The following RASGRP3 variants were observed in gnomAD, a reference collection of about 807,000 sequenced individuals.
RASGRP3 encodes ras guanyl-releasing protein 3.
Under a neutral mutation model 82.7 loss-of-function variants are expected in RASGRP3, and 54 were observed. That is an observed-to-expected ratio of 0.65 (90% confidence interval 0.52 to 0.82). The LOEUF (loss-of-function observed/expected upper bound fraction) is 0.82. Ranked by LOEUF, RASGRP3 falls within the 40% of genes least tolerant of loss-of-function variation. The pLI is 0.00. For missense variants in RASGRP3, 861 were observed against 828.9 expected, an observed-to-expected ratio of 1.04 and a Z score of -0.48; for synonymous variants, 309 against 300.5, an observed-to-expected ratio of 1.03 and a Z score of -0.29.
intron 1 of RASGRP3, among the ~76,000 whole-genome samples, chr2:33,493,347 C>T (rs751374491): frequency 5.3e-5 from 8 of 152,282 alleles, no homozygotes; most frequent in Non-Finnish European, 1.2e-4. Flanking sequence ...GTGCGGTATG[C>T]AGACTAGCTG....
rs775129279 is a variant in RASGRP3, at chr2:33,520,682, C to CATGTAAG, written c.368_368+6dup. The CATGTAAG allele has an allele frequency of 6.2e-7, 1 of 1,613,856 alleles. No homozygotes were observed. Among genetic ancestry groups the CATGTAAG allele is most frequent in the Admixed American group, 1.7e-5 (1 of 60,014 alleles). ...ACGTCAGCCTCATCGACATATCCAG[C>CATGTAAG]ATGTAAGAGTGGCACCGACGTCTTT... On this transcript the variant is annotated stop_gained and frameshift_variant and splice_region_variant, in exon 6 of 18. Transcript: ENST00000403687. LOFTEE classifies it high-confidence loss of function.
intron 1 of RASGRP3, among the ~76,000 whole-genome samples, chr2:33,479,315 G>A (rs937520057): frequency 1.3e-5 from 2 of 152,100 alleles, no homozygotes; most frequent in African/African-American, 2.4e-5. Flanking sequence ...AACAGCAACC[G>A]GGAACTTTGT....
chr2:33,475,334 A>G (rs1022035363), upstream of RASGRP3, among the ~76,000 whole-genome samples: 1 of 152,212 alleles, frequency 6.6e-6, no homozygotes, highest in East Asian at 1.9e-4. Context: ...CTCTTATTCT[A>G]GAAAACACTG....
chr2:33,473,953 G>A (rs1179354494), upstream of RASGRP3, among the ~76,000 whole-genome samples: 1 of 152,128 alleles, frequency 6.6e-6, no homozygotes, highest in East Asian at 1.9e-4. Flanking sequence ...CTCTCATAAG[G>A]AGCATGCAGT....
Position 33,539,364 on chromosome 2 carries a change from G to C in RASGRP3, c.1278+154G>C, listed in dbSNP as rs987285027. On this transcript the variant is annotated intron_variant, in intron 12 of 17. Transcript: ENST00000403687. Reference sequence around the variant, plus strand: ...CAGGCACTTAGTCCTACCAGGCATTGGGTCCTGGGGAGAGTCGATCAGAAA... The same window carrying C: ...CAGGCACTTAGTCCTACCAGGCATTCGGTCCTGGGGAGAGTCGATCAGAAA... The C allele has an allele frequency of 4.1e-5, 25 of 607,398 alleles. 1 individual carries two copies. The highest frequency in any genetic ancestry group is 3.0e-6 in the Non-Finnish European group (1 of 337,966). The allele number at this position is 607,398 out of a possible 1,614,324, so 37.6% of individuals were successfully genotyped here.
At chr2:33,470,370 ATAAC>A (rs1415373278) in intron 2 of RASGRP3, among the ~76,000 whole-genome samples, 2 of 136,290 alleles carry the variant, frequency 1.5e-5, no homozygotes, top group Non-Finnish European at 3.1e-5. Flanking sequence ...AAATAATACT[ATAAC>A]TAAGAATTTT....
chr2:33,548,403 A>G (rs1427105235), intron 13 of RASGRP3, among the ~76,000 whole-genome samples: 1 of 149,834 alleles, frequency 6.7e-6, no homozygotes, highest in Non-Finnish European at 1.5e-5. Context: ...AAGAAAAGAC[A>G]TCTGTTGGAG....
Position 33,563,035 on chromosome 2 carries a change from T to C in RASGRP3, c.*298T>C. 1 of 395,562 alleles carries C rather than the reference T, an allele frequency of 2.5e-6. No individual in the cohort carries two copies. Among genetic ancestry groups the C allele is most frequent in the Non-Finnish European group, 4.5e-6 (1 of 223,828 alleles). The allele number at this position is 395,562 out of a possible 1,614,324, so 24.5% of individuals were successfully genotyped here. On this transcript the variant is annotated 3_prime_UTR_variant, in exon 18 of 18. Coordinates refer to ENST00000403687, the MANE Select transcript of RASGRP3 (RefSeq NM_001139488.2). ...TTTCTCTAGACCATTTATATACGGG[T>C]GAAATGAAAGCTTTTTTGCATGTAC...
At chr2:33,450,514 T>C (rs1396383734) in intron 2 of RASGRP3, among the ~76,000 whole-genome samples, 1 of 152,210 alleles carries the variant, frequency 6.6e-6, no homozygotes, top group East Asian at 1.9e-4. Context: ...CTTAGCATAA[T>C]AGTCTCCAGG....
In RASGRP3 at chr2:33,539,151, G is replaced by A. The variant is rs1310010313; in HGVS notation, c.1219G>A (p.Gly407Arg). The A allele has an allele frequency of 6.2e-7, 1 of 1,612,026 alleles. No individual in the cohort carries two copies. ...TGTGGTACCCCTGGAGTGGGCATTAGGGGTGATGCCAAAGCCAGACCCCAC... is the reference window on the plus strand; with the variant it reads ...TGTGGTACCCCTGGAGTGGGCATTAAGGGTGATGCCAAAGCCAGACCCCAC... ...KPVVPLEWAL[G>R]VMPKPDPTVI... Residue 407 changes from glycine (G) to arginine (R), a missense_variant, in exon 12 of 18, where the codon GGG (glycine) becomes AGG (arginine). By Grantham distance (125) the Gly-to-Arg change is moderately radical. Transcript: ENST00000403687.
intron 14 of RASGRP3, among the ~76,000 whole-genome samples, chr2:33,554,542 A>G (rs12476533): frequency 0.12 from 18,897 of 151,594 alleles, 1,276 homozygotes; most frequent in African/African-American, 0.17. Context: ...GTGCGGTCTC[A>G]GCTCACTGCA....
intron 1 of RASGRP3, among the ~76,000 whole-genome samples, chr2:33,441,141 C>T (rs1404245042): frequency 2.6e-5 from 4 of 152,194 alleles, no homozygotes; most frequent in African/African-American, 9.7e-5. Flanking sequence ...ATCCTCCTGC[C>T]TCGGCCTCCT....
chr2:33,452,473 A>G (rs1432488306), intron 2 of RASGRP3, among the ~76,000 whole-genome samples: 1 of 152,222 alleles, frequency 6.6e-6, no homozygotes, highest in Non-Finnish European at 1.5e-5. Flanking sequence ...TGCCTGAGTC[A>G]GCAGGCAGGA....
chr2:33,508,409 C>T (rs981628832), intron 1 of RASGRP3, among the ~76,000 whole-genome samples: 8 of 152,118 alleles, frequency 5.3e-5, no homozygotes, highest in South Asian at 2.1e-4. Context: ...ATTCACGTAA[C>T]GTGGTCCCTG....
At chr2:33,548,932 G>C (rs574852293) in intron 13 of RASGRP3, among the ~76,000 whole-genome samples, 2 of 152,052 alleles carry the variant, frequency 1.3e-5, no homozygotes, top group Non-Finnish European at 2.9e-5. Flanking sequence ...CAAGTGATCC[G>C]CCCACCTTGG....
intron 2 of RASGRP3, among the ~76,000 whole-genome samples, chr2:33,457,782 G>A (rs766480620): frequency 2.0e-4 from 31 of 151,944 alleles, no homozygotes; most frequent in Non-Finnish European, 4.4e-4. Context: ...TCCTGTTCCT[G>A]GTGGGCAGTG....
intron 2 of RASGRP3, among the ~76,000 whole-genome samples, chr2:33,463,303 ACACTGC>A (rs1666483453): frequency 6.6e-6 from 1 of 152,260 alleles, no homozygotes; most frequent in Admixed American, 6.5e-5. Flanking sequence ...TAAGAGAGAA[ACACTGC>A]CATAAAGGTA....
chr2:33,453,014 C>T (rs909192581), intron 2 of RASGRP3, among the ~76,000 whole-genome samples: 2 of 152,162 alleles, frequency 1.3e-5, no homozygotes, highest in Non-Finnish European at 2.9e-5. Context: ...ACTCTCCTTC[C>T]CCCACAGGGA....
At chr2:33,472,144 C>T (rs776263840), upstream of RASGRP3, among the ~76,000 whole-genome samples, 4 of 152,076 alleles carry the variant, frequency 2.6e-5, no homozygotes, top group East Asian at 3.9e-4. Flanking sequence ...ATTTATTCAT[C>T]GAGGATTGTT....
Sources: allele counts gnomAD v4.1 joint callset (sites outside exome capture counted in the v4.1 genomes callset), GRCh38; gene constraint gnomAD v4.1.1; transcripts MANE v1.5; gene names NCBI Gene and HGNC (gene_info 2026-07-23, HGNC 2026-07-21).